SND1: variants seen among roughly 807,000 people sequenced by gnomAD.
The protein encoded by SND1 is staphylococcal nuclease and tudor domain containing 1.
SND1 carries 38 observed loss-of-function variants against 121.7 expected under a neutral mutation model. That is an observed-to-expected ratio of 0.31 (90% CI 0.24 to 0.41). The LOEUF (loss-of-function observed/expected upper bound fraction) is 0.41. SND1 is among the 10% of genes least tolerant of loss of function. SND1 has a pLI of 1.00. For synonymous variants in SND1, 401 were observed against 447.4 expected, an observed-to-expected ratio of 0.90 and a Z score of 1.31; for missense variants, 868 against 1,184.6, an observed-to-expected ratio of 0.73 and a Z score of 3.92.
chr7:127,704,918 G>A lies in SND1; in HGVS notation c.920G>A (p.Gly307Asp). The change falls in exon 8 of 24, where the codon GGC (glycine) becomes GAC (aspartate). Residue 307 changes from glycine to aspartate, a missense_variant. Gly to Asp is a moderately conservative substitution (Grantham distance 94, BLOSUM62 -1). Around this residue, in one of 2 missense-constraint regions of SND1, gnomAD observed 743 missense variants for 1,071.3 expected, o/e 0.69. Transcript: ENST00000354725. ...TGGTCGATTGCAGTTTACACCCGGG[G>A]CGCAGAAAAGCTGAGGGCGGCAGAG... Reference protein sequence around the residue: ...VDWSIAVYTRGAEKLRAAERF... With the variant: ...VDWSIAVYTRDAEKLRAAERF... 1.2e-6 allele frequency: 2 copies of A among 1,614,080 alleles called. No individual in the cohort carries two copies. The highest frequency in any genetic ancestry group is 2.2e-5 in the South Asian group (2 of 91,082).
At chr7:127,892,498 C>G (rs1263536389) in intron 13 of SND1, among the ~76,000 whole-genome samples, 2 of 152,090 alleles carry the variant, frequency 1.3e-5, no homozygotes, top group Non-Finnish European at 2.9e-5. Flanking sequence ...CTGGGAAACC[C>G]TCATAATGTC....
At chr7:127,908,359 T>TGTGTGC (rs1491436509) in intron 14 of SND1, among the ~76,000 whole-genome samples, 12 of 144,946 alleles carry the variant, frequency 8.3e-5, no homozygotes, top group East Asian at 4.0e-4. Flanking sequence ...TGTGTGTGTG[T>TGTGTGC]GCGTGCGTGT....
chr7:127,857,926 C>G, intron 12 of SND1: 1 of 1,367,086 alleles, frequency 7.3e-7, no homozygotes, highest in Non-Finnish European at 1.0e-6. Flanking sequence ...GCAGTAAACA[C>G]CATCAGGAAA....
At chr7:127,854,116 G>T (rs897344569) in intron 12 of SND1, among the ~76,000 whole-genome samples, 1 of 151,910 alleles carries the variant, frequency 6.6e-6, no homozygotes, top group Non-Finnish European at 1.5e-5. Flanking sequence ...GGCTTTGTTC[G>T]TTTTTTGTTC....
intron 16 of SND1, among the ~76,000 whole-genome samples, chr7:128,021,033 T>C (rs1348531836): frequency 6.6e-6 from 1 of 152,224 alleles, no homozygotes; most frequent in Admixed American, 6.5e-5. Context: ...CAACAGTCTC[T>C]TCCTTAGGTT....
At chr7:127,975,424 C>CGTGTGTGT (rs66757341) in intron 15 of SND1, among the ~76,000 whole-genome samples, 16 of 147,454 alleles carry the variant, frequency 1.1e-4, no homozygotes, top group African/African-American at 3.3e-4. Context: ...TGACTCCCCT[C>CGTGTGTGT]GTGTGTGTGT....
intron 3 of SND1, among the ~76,000 whole-genome samples, chr7:127,695,425 CG>C (rs1425286437): frequency 1.3e-5 from 2 of 152,074 alleles, no homozygotes; most frequent in Non-Finnish European, 2.9e-5. Context: ...GCACAGATGT[CG>C]GGGTTGCATA....
intron 1 of SND1, among the ~76,000 whole-genome samples, chr7:127,656,769 C>T (rs1448233412): frequency 6.6e-6 from 1 of 152,120 alleles, no homozygotes; most frequent in Admixed American, 6.5e-5. Context: ...GGTGGGTTCC[C>T]CCAATACAGG....
intron 12 of SND1, among the ~76,000 whole-genome samples, chr7:127,849,646 G>A (rs771610540): frequency 1.2e-4 from 18 of 152,096 alleles, no homozygotes; most frequent in Non-Finnish European, 2.4e-4. Context: ...GGCCCATTTT[G>A]TGAAAGTTAA....
At chr7:127,923,598 AACTC>A (rs1412272346) in intron 14 of SND1, among the ~76,000 whole-genome samples, 1 of 152,194 alleles carries the variant, frequency 6.6e-6, no homozygotes, top group Non-Finnish European at 1.5e-5. Flanking sequence ...TCGAATCATA[AACTC>A]ATTCTGTGAA....
At chr7:128,091,755 T>C (rs1287513016) in intron 22 of SND1, 82 bp from the exon 23 acceptor site, 2 of 1,448,706 alleles carry the variant, frequency 1.4e-6, no homozygotes, top group Non-Finnish European at 1.9e-6. Flanking sequence ...CTCTGGCGCT[T>C]ACCTAAGCAT....
intron 16 of SND1, among the ~76,000 whole-genome samples, chr7:128,046,373 T>G (rs995551858): frequency 1.4e-5 from 2 of 147,212 alleles, no homozygotes; most frequent in East Asian, 1.9e-4. Flanking sequence ...GTGTTTTTTT[T>G]TTTTTTTTTT....
At chr7:127,950,486 A>G (rs1801437818) in intron 15 of SND1, among the ~76,000 whole-genome samples, 1 of 152,230 alleles carries the variant, frequency 6.6e-6, no homozygotes, top group Non-Finnish European at 1.5e-5. Flanking sequence ...GGCCATTTCG[A>G]TCCAGTACTT....
intron 16 of SND1, among the ~76,000 whole-genome samples, chr7:128,071,056 T>C (rs1584772893): frequency 6.6e-6 from 1 of 152,202 alleles, no homozygotes; most frequent in African/African-American, 2.4e-5. Flanking sequence ...TTTTCATGCT[T>C]TTTGTTGGTG....
chr7:127,885,532 T>C (rs777174122), intron 12 of SND1, among the ~76,000 whole-genome samples: 1 of 152,046 alleles, frequency 6.6e-6, no homozygotes, highest in African/African-American at 2.4e-5. Flanking sequence ...AGGAACTCCA[T>C]ATGGCAGGTC....
Position 128,029,805 on chromosome 7 carries a change from G to A in SND1, c.1779+38749G>A. ...GGTAAAGAGGTCATGGGGCAAAGAA[G>A]AGAGGTTATTGTGGGCCAAGTTGAG... is the stretch of plus-strand genomic sequence containing the variant. On this transcript the variant is annotated intron_variant, in intron 16 of 23. Coordinates refer to ENST00000354725, the MANE Select transcript of SND1 (RefSeq NM_014390.4). This position sits in a 1 kb window ranked among gnomAD's most constrained non-coding sequence, Gnocchi z 4.2. 3 of 1,613,800 alleles carry A rather than the reference G, an allele frequency of 1.9e-6. No individual in the cohort carries two copies. Among genetic ancestry groups the A allele is most frequent in the Non-Finnish European group, 2.5e-6 (3 of 1,180,026 alleles).
chr7:127,993,431 T>C (rs531440486), intron 16 of SND1, among the ~76,000 whole-genome samples: 2 of 152,338 alleles, frequency 1.3e-5, no homozygotes, highest in Admixed American at 1.3e-4. Context: ...CTTCCCGCCC[T>C]CAGCAGAAGT....
intron 1 of SND1, among the ~76,000 whole-genome samples, chr7:127,665,531 G>T (rs928966665): frequency 6.6e-6 from 1 of 151,982 alleles, no homozygotes; most frequent in African/African-American, 2.4e-5. Context: ...ATTTCTAAAG[G>T]CAACTTAAAT....
chr7:127,702,943 C>A (rs1255715269), intron 6 of SND1, among the ~76,000 whole-genome samples: 1 of 152,126 alleles, frequency 6.6e-6, no homozygotes, highest in African/African-American at 2.4e-5. Context: ...TTATTGTCCT[C>A]ACGATAATGT....
Sources: allele counts gnomAD v4.1 joint callset (sites outside exome capture counted in the v4.1 genomes callset), GRCh38; gene constraint gnomAD v4.1.1; regional missense constraint gnomAD v4.1.1; non-coding constraint Gnocchi (gnomAD v3.1); transcripts MANE v1.5; gene names NCBI Gene and HGNC (gene_info 2026-07-23, HGNC 2026-07-21).